The following PCDHGB7 variants were observed in gnomAD, a reference collection of about 807,000 sequenced individuals.
PCDHGB7 encodes protocadherin gamma-B7.
In PCDHGB7, 37 loss-of-function variants were observed where a neutral mutation model predicts 61.4. The ratio of observed to expected loss-of-function variants is 0.60; its 90% CI spans 0.46 to 0.79. PCDHGB7 has a LOEUF of 0.79. PCDHGB7 is among the 30% of genes least tolerant of loss of function. The pLI is 0.00. For synonymous variants in PCDHGB7, 464 were observed against 503.5 expected, an observed-to-expected ratio of 0.92 and a Z score of 1.05; for missense variants, 1,166 against 1,202.5, an observed-to-expected ratio of 0.97 and a Z score of 0.45.
At position 141,486,209 on chromosome 5, in the gene PCDHGB7, A is replaced by G. The variant is rs749965379; in HGVS notation, c.2416-8598A>G. 1.2e-6 allele frequency: 2 copies of G among 1,614,080 alleles called. No homozygotes were observed. The highest frequency in any genetic ancestry group is 1.7e-6 in the Non-Finnish European group (2 of 1,179,988). ...AGTGGATCTGCTGGACGTAAATGAC[A>G]ATGCCCCTTACATCACAGTGACCTC... On this transcript the variant is annotated intron_variant, in intron 1 of 3. Transcript: ENST00000398594. The surrounding 1 kb of genome is among the most constrained non-coding windows in gnomAD (Gnocchi z 5.0).
chr5:141,448,426 T>C (rs892222815), intron 1 of PCDHGB7, among the ~76,000 whole-genome samples: 1 of 152,164 alleles, frequency 6.6e-6, no homozygotes, highest in Non-Finnish European at 1.5e-5. Context: ...ATACTATGTA[T>C]ATATTGAGAA....
chr5:141,495,077 C>T (rs1237589417), intron 2 of PCDHGB7, among the ~76,000 whole-genome samples: 4 of 152,180 alleles, frequency 2.6e-5, no homozygotes, highest in African/African-American at 9.7e-5. Flanking sequence ...AATTCACATG[C>T]TTGCCCCTTC....
At chr5:141,494,976 G>A in intron 2 of PCDHGB7, 111 bp downstream of exon 2, 1 of 1,575,636 alleles carries the variant, frequency 6.3e-7, no homozygotes. Flanking sequence ...TTCTCCCTCA[G>A]TTTGAGATCC....
rs1047637676 is a variant in PCDHGB7, at chr5:141,449,606, A to G, written c.2415+29332A>G. The stretch of plus-strand genomic sequence containing the variant: ...TCTGTCTCAAAAAAAAAAAAAAAAA[A>G]AGTAAAAAAGTTTTTTAAAAAGATG... On this transcript the variant is annotated intron_variant, in intron 1 of 3. Transcript: ENST00000398594. 3.9e-3 allele frequency among the ~76,000 whole-genome samples: 591 copies of G among 150,802 alleles called. 2 individuals carry two copies. The highest frequency in any genetic ancestry group is 0.01 in the Middle Eastern group (3 of 290).
At chr5:141,469,994 C>T (rs948868787) in intron 1 of PCDHGB7, among the ~76,000 whole-genome samples, 2 of 151,830 alleles carry the variant, frequency 1.3e-5, no homozygotes, top group Non-Finnish European at 1.5e-5. Flanking sequence ...AGCTGGTCGT[C>T]GTGGCACGCC....
chr5:141,507,616 G>A (rs1288020739), intron 3 of PCDHGB7, among the ~76,000 whole-genome samples: 3 of 152,252 alleles, frequency 2.0e-5, no homozygotes, highest in Non-Finnish European at 4.4e-5. Context: ...GGTATATTTA[G>A]CTGTTGTGGC....
intron 1 of PCDHGB7, among the ~76,000 whole-genome samples, chr5:141,471,046 CTTTT>C (rs1170588345): frequency 5.3e-5 from 6 of 113,264 alleles, no homozygotes; most frequent in Admixed American, 9.3e-5. Context: ...CCCAAGCCCT[CTTTT>C]TTTTTTTTTT....
chr5:141,500,184 T>TTTTTTTTATTTA (rs1554186429), intron 2 of PCDHGB7, among the ~76,000 whole-genome samples: 16 of 135,886 alleles, frequency 1.2e-4, no homozygotes, highest in African/African-American at 4.3e-4. Context: ...TCATTTTTAT[T>TTTTTTTTATTTA]TTTATTTATT....
At chr5:141,471,654 G>A (rs1235665796) in intron 1 of PCDHGB7, 2 of 152,044 alleles carry the variant, frequency 1.3e-5, no homozygotes, top group South Asian at 2.1e-4. Flanking sequence ...CTGGATGTGG[G>A]GATGCAGAAA....
intron 1 of PCDHGB7, chr5:141,422,201 G>T (rs764621323): frequency 1.9e-6 from 3 of 1,562,386 alleles, no homozygotes; most frequent in Admixed American, 2.0e-5. Flanking sequence ...GGCCAAGATG[G>T]TGGAGGTCTC....
chr5:141,428,454 C>A, intron 1 of PCDHGB7: 1 of 365,394 alleles, frequency 2.7e-6, no homozygotes, highest in Non-Finnish European at 5.2e-6. Context: ...TTTTTCCCAA[C>A]TACAATGAGG....
intron 3 of PCDHGB7, among the ~76,000 whole-genome samples, chr5:141,509,069 G>A (rs1463164307): frequency 2.6e-5 from 4 of 152,174 alleles, no homozygotes; most frequent in African/African-American, 9.7e-5. Context: ...CTCAGCTCCG[G>A]GGATTTGCGA....
Position 141,486,567 on chromosome 5 carries a change from C to T in PCDHGB7, c.2416-8240C>T, listed in dbSNP as rs1562113360. On this transcript the variant is annotated intron_variant, in intron 1 of 3. Transcript: ENST00000398594. The surrounding 1 kb of genome is among the most constrained non-coding windows in gnomAD (Gnocchi z 5.0). ...CAGAGGTCACATGAGGTGTTTGTTCCTGAGAACAATCGCCCAGGGGACCTG... is the reference window on the plus strand; with the variant it reads ...CAGAGGTCACATGAGGTGTTTGTTCTTGAGAACAATCGCCCAGGGGACCTG... The T allele has an allele frequency of 6.2e-7, 1 of 1,613,918 alleles. No homozygotes were observed. The highest frequency in any genetic ancestry group is 8.5e-7 in the Non-Finnish European group (1 of 1,179,986).
At position 141,477,961 on chromosome 5, in the gene PCDHGB7, C is replaced by G. The variant is rs199947431; in HGVS notation, c.2416-16846C>G. On this transcript the variant is annotated intron_variant, in intron 1 of 3. Transcript: ENST00000398594. The surrounding 1 kb of genome is among the most constrained non-coding windows in gnomAD (Gnocchi z 4.9). ...CCTACAGTCTCTTGGGATCCCCTAA[C>G]CAGAGCCTTTTTGCCATAGGGCTGC... 10 of 1,614,166 alleles carry G rather than the reference C, an allele frequency of 6.2e-6. No individual in the cohort carries two copies. Among genetic ancestry groups the G allele is most frequent in the Middle Eastern group, 3.3e-4 (2 of 6,062 alleles).
intron 2 of PCDHGB7, among the ~76,000 whole-genome samples, chr5:141,499,234 A>G (rs1294400331): frequency 6.6e-6 from 1 of 152,008 alleles, no homozygotes; most frequent in Non-Finnish European, 1.5e-5. Flanking sequence ...AGCTGTCCCC[A>G]GCCTCTGCAC....
At chr5:141,434,427 G>A (rs2097693282) in intron 1 of PCDHGB7, among the ~76,000 whole-genome samples, 1 of 152,216 alleles carries the variant, frequency 6.6e-6, no homozygotes, top group African/African-American at 2.4e-5. Context: ...GTTCATGATG[G>A]CCGTAATGCC....
chr5:141,496,306 C>T (rs1380057886), intron 2 of PCDHGB7, among the ~76,000 whole-genome samples: 1 of 152,202 alleles, frequency 6.6e-6, no homozygotes, highest in South Asian at 2.1e-4. Flanking sequence ...ATAGGCTCTG[C>T]GCCAGGCCTC....
chr5:141,487,718 A>G lies in PCDHGB7; in HGVS notation c.2416-7089A>G. Reference sequence around the variant, plus strand: ...TACTGGCCTCTCAGTAAGTGCCCATAGTGATGTCACCATTTTTGTAAGAGG... The same window carrying G: ...TACTGGCCTCTCAGTAAGTGCCCATGGTGATGTCACCATTTTTGTAAGAGG... On this transcript the variant is annotated intron_variant, in intron 1 of 3. Coordinates refer to ENST00000398594, the MANE Select transcript of PCDHGB7 (RefSeq NM_018927.4). The surrounding 1 kb of genome is among the most constrained non-coding windows in gnomAD (Gnocchi z 5.0). The G allele has an allele frequency of 1.3e-6, 2 of 1,580,268 alleles. No individual in the cohort carries two copies. The highest frequency in any genetic ancestry group is 1.7e-6 in the Non-Finnish European group (2 of 1,161,186).
chr5:141,421,557 C>T (rs764010392), intron 1 of PCDHGB7: 1 of 1,613,932 alleles, frequency 6.2e-7, no homozygotes, highest in South Asian at 1.1e-5. Context: ...TGGAACTTCT[C>T]GTGGAAGACA....
Sources: gnomAD v4.1 joint callset for allele counts (sites outside exome capture counted in the v4.1 genomes callset) on GRCh38, gnomAD v4.1.1 for gene constraint, Gnocchi (gnomAD v3.1) non-coding constraint, MANE v1.5 for transcripts, NCBI Gene and HGNC (gene_info 2026-07-23, HGNC 2026-07-21) for gene names.